The following SOX5 variants were observed in gnomAD, a reference collection of about 807,000 sequenced individuals.
SOX5 encodes SRY-box transcription factor 5.
A neutral mutation model predicts 92.0 loss-of-function variants in SOX5; 9 were observed. That is an observed-to-expected ratio of 0.10 (90% CI 0.06 to 0.17). The LOEUF is 0.17. Ranked by LOEUF, SOX5 falls within the 10% of genes least tolerant of loss-of-function variation. The pLI is 1.00. For synonymous variants in SOX5, 344 were observed against 336.3 expected (o/e 1.02, Z -0.25); for missense variants, 642 against 944.5 (o/e 0.68, Z 4.20).
chr12:24,134,445 T>C (rs1949934965), intron 4 of SOX5, among the ~76,000 whole-genome samples: 1 of 152,212 alleles, frequency 6.6e-6, no homozygotes. Context: ...TACTTGTTTC[T>C]GCTCTAGAGA....
intron 11 of SOX5, 53 bp downstream of exon 11, chr12:23,563,196 TAAAAAAGCA>T: frequency 7.6e-7 from 1 of 1,320,464 alleles, no homozygotes; most frequent in Non-Finnish European, 1.1e-6. Context: ...ATATTTTTTT[TAAAAAAGCA>T]TTAGGCAATT....
At chr12:24,103,677 T>C (rs972562427) in intron 4 of SOX5, among the ~76,000 whole-genome samples, 1 of 152,202 alleles carries the variant, frequency 6.6e-6, no homozygotes, top group Non-Finnish European at 1.5e-5. Context: ...CTTTATAAAA[T>C]TGTTTAACCT....
chr12:23,881,251 A>G (rs1568586574), intron 2 of SOX5, among the ~76,000 whole-genome samples: 1 of 152,162 alleles, frequency 6.6e-6, no homozygotes, highest in Non-Finnish European at 1.5e-5. Context: ...TTTGCACTGT[A>G]TATCACTTTA....
intron 1 of SOX5, among the ~76,000 whole-genome samples, chr12:24,502,343 T>C (rs553524717): frequency 3.3e-5 from 5 of 152,096 alleles, no homozygotes; most frequent in Non-Finnish European, 7.4e-5. Flanking sequence ...TTCAAAAGGA[T>C]ATGGGCGTCA....
At chr12:23,939,704 G>A (rs1440141484) in intron 1 of SOX5, among the ~76,000 whole-genome samples, 1 of 150,428 alleles carries the variant, frequency 6.6e-6, no homozygotes, top group Admixed American at 6.6e-5. Flanking sequence ...CATGCGACCT[G>A]CCAAATATAT....
intron 4 of SOX5, among the ~76,000 whole-genome samples, chr12:23,747,207 A>G (rs1435469337): frequency 2.0e-5 from 3 of 152,104 alleles, no homozygotes; most frequent in Non-Finnish European, 2.9e-5. Flanking sequence ...CAACCCTAGA[A>G]CATATTATAA....
intron 3 of SOX5, among the ~76,000 whole-genome samples, chr12:23,836,261 T>C (rs1437136736): frequency 1.3e-5 from 2 of 152,006 alleles, no homozygotes; most frequent in East Asian, 3.9e-4. Context: ...ATAATGTAAC[T>C]ATGTTACATA....
chr12:23,797,633 T>G (rs1395983572), intron 3 of SOX5, among the ~76,000 whole-genome samples: 1 of 152,074 alleles, frequency 6.6e-6, no homozygotes, highest in Non-Finnish European at 1.5e-5. Flanking sequence ...TTAAAAATTC[T>G]GGGATAATTC....
At chr12:23,819,849 G>C (rs2142707643) in intron 3 of SOX5, among the ~76,000 whole-genome samples, 1 of 152,188 alleles carries the variant, frequency 6.6e-6, no homozygotes, top group Non-Finnish European at 1.5e-5. Context: ...ATTTGGGTTG[G>C]CTCCAAGTCT....
At chr12:23,943,229 T>C (rs186062141) in intron 1 of SOX5, among the ~76,000 whole-genome samples, 9 of 152,088 alleles carry the variant, frequency 5.9e-5, no homozygotes, top group Admixed American at 5.9e-4. Flanking sequence ...TTTGAATTCC[T>C]GGTCCCCATT....
At chr12:24,400,962 A>T (rs1252360751) in intron 1 of SOX5, among the ~76,000 whole-genome samples, 1 of 152,230 alleles carries the variant, frequency 6.6e-6, no homozygotes, top group Non-Finnish European at 1.5e-5. Context: ...ATTTTAACAG[A>T]TGACCACTTA....
At chr12:23,586,482 G>GA (rs371195986) in intron 9 of SOX5, among the ~76,000 whole-genome samples, 2 of 151,104 alleles carry the variant, frequency 1.3e-5, no homozygotes, top group Non-Finnish European at 3.0e-5. Context: ...GTTTTACGGG[G>GA]AAAAAAAAAT....
chr12:24,191,609 C>T (rs1338266484), intron 4 of SOX5, among the ~76,000 whole-genome samples: 3 of 152,214 alleles, frequency 2.0e-5, no homozygotes, highest in African/African-American at 7.2e-5. Context: ...CAAGCTTCCA[C>T]ATGTTGCTAT....
At chr12:23,846,230 C>T (rs752781229) in intron 2 of SOX5, 37 bp from the exon 3 acceptor site, 17 of 1,475,062 alleles carry the variant, frequency 1.2e-5, no homozygotes, top group Non-Finnish European at 6.6e-6. Context: ...AATTGTTTAC[C>T]TGAAAGAGAG....
intron 4 of SOX5, among the ~76,000 whole-genome samples, chr12:24,205,865 A>G (rs764637727): frequency 1.4e-4 from 22 of 152,220 alleles, no homozygotes; most frequent in Non-Finnish European, 2.5e-4. Context: ...AGCTTTTAAA[A>G]GACTGAAATT....
chr12:23,876,712 C>G (rs1321969625), intron 2 of SOX5, among the ~76,000 whole-genome samples: 1 of 152,142 alleles, frequency 6.6e-6, no homozygotes, highest in South Asian at 2.1e-4. Flanking sequence ...TATTGCAGCA[C>G]TATTCACAAT....
intron 4 of SOX5, among the ~76,000 whole-genome samples, chr12:23,956,232 A>G (rs1413781440): frequency 6.6e-6 from 1 of 152,156 alleles, no homozygotes; most frequent in Non-Finnish European, 1.5e-5. Context: ...TGTTCAGTCT[A>G]CTTGTATCTA....
At chr12:23,821,873 A>T (rs1018270306) in intron 3 of SOX5, among the ~76,000 whole-genome samples, 1 of 152,052 alleles carries the variant, frequency 6.6e-6, no homozygotes, top group Non-Finnish European at 1.5e-5. Flanking sequence ...CCAGGAATTT[A>T]TCCATTTCTT....
At chr12:23,616,248 T>C (rs1402775637) in intron 8 of SOX5, among the ~76,000 whole-genome samples, 2 of 152,234 alleles carry the variant, frequency 1.3e-5, no homozygotes, top group African/African-American at 2.4e-5. Context: ...TGGTCAAACC[T>C]GAGCGGAAAG....
Sources: gnomAD v4.1 joint callset for allele counts (sites outside exome capture counted in the v4.1 genomes callset) on GRCh38, gnomAD v4.1.1 for gene constraint, MANE v1.5 for transcripts, NCBI Gene and HGNC (gene_info 2026-07-23, HGNC 2026-07-21) for gene names.